The following PCDH15 variants were observed in gnomAD, a reference collection of about 807,000 sequenced individuals.
The protein encoded by PCDH15 is protocadherin-15.
A neutral mutation model predicts 178.5 loss-of-function variants in PCDH15; 129 were observed. The ratio of observed to expected loss-of-function variants is 0.72; its 90% CI spans 0.63 to 0.84. The LOEUF (loss-of-function observed/expected upper bound fraction) is 0.84, where lower values mean the gene tolerates loss of function less well. PCDH15 is among the 40% of genes least tolerant of loss of function. The probability of loss-of-function intolerance (pLI) is 0.00; values close to 1 mark genes in which losing one functional copy is unlikely to be tolerated. For synonymous variants in PCDH15, 800 were observed against 732.0 expected (o/e 1.09, Z -1.50); for missense variants, 2,230 against 2,099.9 (o/e 1.06, Z -1.21).
At chr10:55,126,568 C>G (rs772255721) in intron 2 of PCDH15, among the ~76,000 whole-genome samples, 3 of 151,916 alleles carry the variant, frequency 2.0e-5, no homozygotes, top group Admixed American at 1.3e-4. Flanking sequence ...GATAGGATTG[C>G]AGACAGTTGA....
In PCDH15 at chr10:53,941,619, T is replaced by A. The variant is rs576453027; in HGVS notation, c.3123-644A>T. 2.0e-5 allele frequency among the ~76,000 whole-genome samples: 3 copies of A among 152,340 alleles called. No individual in the cohort carries two copies. The South Asian group carries it at 6.2e-4, about 32-fold the overall frequency. ...TTGGCAATTATGACTAAAGCCACTA[T>A]AAACATCTGTGTGTAGGTTTTTGTG... On this transcript the variant is annotated intron_variant, in intron 23 of 37. Transcript: ENST00000644397.
At chr10:54,189,536 T>C (rs902978108) in intron 11 of PCDH15, among the ~76,000 whole-genome samples, 2 of 152,126 alleles carry the variant, frequency 1.3e-5, no homozygotes, top group Non-Finnish European at 2.9e-5. Flanking sequence ...CCACATATAA[T>C]GGAATAACGA....
chr10:55,526,498 G>T (rs937831443), intron 2 of PCDH15, among the ~76,000 whole-genome samples: 1 of 151,906 alleles, frequency 6.6e-6, no homozygotes, highest in East Asian at 1.9e-4. Context: ...ATCTGGCAAG[G>T]CTTCCTTTTA....
intron 26 of PCDH15, among the ~76,000 whole-genome samples, chr10:53,900,562 C>A (rs555558762): frequency 6.6e-6 from 1 of 152,182 alleles, no homozygotes; most frequent in African/African-American, 2.4e-5. Context: ...TACTACCAAA[C>A]TTTCGCCAGA....
In PCDH15 at chr10:54,406,283, TTATC is replaced by T. The variant is rs1393604021; in HGVS notation, c.158-27345_158-27342del. 6.6e-5 allele frequency among the ~76,000 whole-genome samples: 10 copies of T among 152,102 alleles called. No individual in the cohort carries two copies. In the East Asian group the frequency reaches 1.9e-3, roughly 29 times the overall value. ...AAAGGAAGATCAAAGTTGGAAGGCT[TTATC>T]TATCTGATTTTAAGATGTACTAAAA... On this transcript the variant is annotated intron_variant, in intron 3 of 37. Coordinates refer to ENST00000644397, the MANE Select transcript of PCDH15 (RefSeq NM_001384140.1).
Position 54,317,433 on chromosome 10 carries a change from G to T in PCDH15, c.714C>A (p.Ala238=). The T allele has an allele frequency of 6.2e-7, 1 of 1,613,716 alleles. No homozygotes were observed. Among genetic ancestry groups the T allele is most frequent in the African/African-American group, 1.3e-5 (1 of 74,944 alleles). The change falls in exon 8 of 38, where the codon GCC becomes GCA. Residue 238 remains alanine, a synonymous_variant. Coordinates refer to ENST00000644397, the MANE Select transcript of PCDH15 (RefSeq NM_001384140.1). ...TGGTTCGCCTCTCATTCAGATTTTGGGCACGGTCCTGTTAGGGAGAAAAAC... is the reference window on the plus strand; with the variant it reads ...TGGTTCGCCTCTCATTCAGATTTTGTGCACGGTCCTGTTAGGGAGAAAAAC... ...YFVIIQANDR[A]QNLNERRTTT... is the part of the protein sequence containing the mutation.
At chr10:54,548,130 A>T (rs1481672180) in intron 2 of PCDH15, among the ~76,000 whole-genome samples, 1 of 147,488 alleles carries the variant, frequency 6.8e-6, no homozygotes, top group East Asian at 2.0e-4. Context: ...AACCAAAAAA[A>T]ACCCATATAT....
rs138845232 is a variant in PCDH15 at position 55,226,359 on chromosome 10, GTTTTGTTTTTGT to G, written c.-155-59720_-155-59709del. The stretch of plus-strand genomic sequence containing the variant: ...CAAAACAGAATAGTTTTTTTGTTTT[GTTTTGTTTTTGT>G]TTTTGTTTTTGTTTTTGAGACCGAG... On this transcript the variant is annotated intron_variant, in intron 1 of 5. Transcript: ENST00000458638. Among the ~76,000 whole-genome samples the G allele has an allele frequency of 6.6e-5, 10 of 151,584 alleles. No homozygotes were observed. The East Asian group carries it at 7.8e-4, about 12-fold the overall frequency.
chr10:54,097,322 G>A lies in PCDH15; in HGVS notation c.1918-7259C>T, dbSNP rs1013071936. On this transcript the variant is annotated intron_variant, in intron 15 of 37. Coordinates refer to ENST00000644397, the MANE Select transcript of PCDH15 (RefSeq NM_001384140.1). ...TTTCTTTTACTTTACTCTGTAAGGA[G>A]GAGTATTTTTCTTCTTCCTTAAACA... Among the ~76,000 whole-genome samples, 11 of 152,136 alleles carry A rather than the reference G, an allele frequency of 7.2e-5. No individual in the cohort carries two copies. The South Asian group carries it at 8.3e-4, about 11-fold the overall frequency.
chr10:54,677,836 G>A (rs2094819873), intron 1 of PCDH15, among the ~76,000 whole-genome samples: 1 of 152,118 alleles, frequency 6.6e-6, no homozygotes, highest in African/African-American at 2.4e-5. Context: ...TTAAAGCCTT[G>A]GGCTTAAGGA....
rs71004489 is a variant in PCDH15 at position 53,888,291 on chromosome 10, C to CATAT, written c.3501+14948_3501+14951dup. ...AATAAACATTCCAACACTATATATA[C>CATAT]ATATATATATATATATATGTATATA... On this transcript the variant is annotated intron_variant, in intron 26 of 37. Transcript: ENST00000644397. Among the ~76,000 whole-genome samples, 472 of 48,818 alleles carry CATAT rather than the reference C, an allele frequency of 9.7e-3. 40 individuals are homozygous for CATAT. The highest frequency in any genetic ancestry group is 0.019 in the African/African-American group (371 of 19,904). The allele number at this position is 48,818 out of a possible 152,430, so 32.0% of individuals were successfully genotyped here.
chr10:55,447,206 C>A (rs959897399), intron 2 of PCDH15, among the ~76,000 whole-genome samples: 1 of 151,880 alleles, frequency 6.6e-6, no homozygotes. Context: ...GTGTAGTAAA[C>A]GTTTTCATAT....
At chr10:54,663,316 G>T (rs150612532) in intron 2 of PCDH15, among the ~76,000 whole-genome samples, 1 of 151,450 alleles carries the variant, frequency 6.6e-6, no homozygotes, top group Non-Finnish European at 1.5e-5. Context: ...GAATAAGAAC[G>T]AGGAAAAGTT....
At chr10:54,329,046 T>C (rs1182383965) in intron 7 of PCDH15, among the ~76,000 whole-genome samples, 1 of 152,000 alleles carries the variant, frequency 6.6e-6, no homozygotes, top group Non-Finnish European at 1.5e-5. Context: ...GTTATTGTTA[T>C]CTACATACAT....
upstream of PCDH15, among the ~76,000 whole-genome samples, chr10:55,321,463 T>A (rs887299698): frequency 6.6e-6 from 1 of 152,006 alleles, no homozygotes; most frequent in Non-Finnish European, 1.5e-5. Flanking sequence ...TTACCCAACC[T>A]CACTAGAGAG....
chr10:54,751,289 G>T (rs1040729322), intron 1 of PCDH15, among the ~76,000 whole-genome samples: 2 of 152,030 alleles, frequency 1.3e-5, no homozygotes, highest in African/African-American at 2.4e-5. Context: ...TTTGACTGAC[G>T]TATTTCACCA....
At chr10:54,065,679 G>T (rs942490550) in intron 18 of PCDH15, among the ~76,000 whole-genome samples, 16 of 152,204 alleles carry the variant, frequency 1.1e-4, no homozygotes, top group African/African-American at 3.9e-4. Context: ...TCCAGAATTT[G>T]AGATAGTGAC....
chr10:54,389,784 CAAAAAAA>C (rs35298368), intron 3 of PCDH15, among the ~76,000 whole-genome samples: 13 of 70,008 alleles, frequency 1.9e-4, no homozygotes, highest in Non-Finnish European at 4.0e-4. Flanking sequence ...AATAAAAATA[CAAAAAAA>C]AAAAAAAAAA....
intron 1 of PCDH15, among the ~76,000 whole-genome samples, chr10:55,281,029 C>T (rs1326522685): frequency 6.6e-6 from 1 of 152,170 alleles, no homozygotes; most frequent in Non-Finnish European, 1.5e-5. Flanking sequence ...AGAAAAAAGA[C>T]TCTAATACTA....
Sources: gnomAD v4.1 joint callset for allele counts (sites outside exome capture counted in the v4.1 genomes callset) on GRCh38, gnomAD v4.1.1 for gene constraint, MANE v1.5 for transcripts, NCBI Gene and HGNC (gene_info 2026-07-23, HGNC 2026-07-21) for gene names.